The following TRRAP variants were observed in gnomAD, a reference collection of about 807,000 sequenced individuals.
The protein encoded by TRRAP is transformation/transcription domain associated protein.
Under a neutral mutation model 438.8 loss-of-function variants are expected in TRRAP, and 41 were observed. The observed-to-expected ratio is 0.09, with a 90% confidence interval of 0.07 to 0.12. The LOEUF is 0.12. Ranked by LOEUF, TRRAP falls within the 10% of genes least tolerant of loss-of-function variation. The pLI, the probability that TRRAP is intolerant of heterozygous loss-of-function variation, is 1.00. For missense variants in TRRAP, 3,122 were observed against 5,055.1 expected, an observed-to-expected ratio of 0.62 and a Z score of 11.60; for synonymous variants, 1,994 against 1,962.9, an observed-to-expected ratio of 1.02 and a Z score of -0.42.
Position 98,992,261 on chromosome 7 carries a change from G to A in TRRAP, c.9847+34G>A, listed in dbSNP as rs773372791. 5 of 1,609,748 alleles carry A rather than the reference G, an allele frequency of 3.1e-6. No homozygotes were observed. The African/African-American group carries it at 6.7e-5, about 22-fold the overall frequency. ...CGGGTGGGGCCGGTAGGCCAGGCCG[G>A]GAAGGGCTCATTCCAGGGGGTGCCC... On this transcript the variant is annotated intron_variant, in intron 65 of 72. Coordinates refer to ENST00000456197, the MANE Select transcript of TRRAP (RefSeq NM_001375524.1).
intron 39 of TRRAP, 76 bp downstream of exon 39, chr7:98,951,080 TG>T: frequency 2.6e-5 from 34 of 1,312,398 alleles, no homozygotes; most frequent in Admixed American, 2.9e-5. Context: ...TGTGTGTGTG[TG>T]TGTGTGTGTG....
At chr7:98,983,872 T>C (rs1237916086) in intron 60 of TRRAP, among the ~76,000 whole-genome samples, 5 of 152,166 alleles carry the variant, frequency 3.3e-5, no homozygotes, top group Non-Finnish European at 7.3e-5. Context: ...GCCTTTGTCA[T>C]TTTATGATTT....
chr7:98,947,447 G>GA (rs1791134622), intron 33 of TRRAP, among the ~76,000 whole-genome samples: 1 of 151,218 alleles, frequency 6.6e-6, no homozygotes, highest in Non-Finnish European at 1.5e-5. Flanking sequence ...TTGTTTGTGT[G>GA]GTTTTTTTTT....
rs1554408051 is a variant in TRRAP, at chr7:98,908,977, G to A, written c.1350+15G>A. 1 of 1,602,150 alleles carries A rather than the reference G, an allele frequency of 6.2e-7. No individual in the cohort carries two copies. The highest frequency in any genetic ancestry group is 8.5e-7 in the Non-Finnish European group (1 of 1,171,748). The stretch of plus-strand genomic sequence containing the variant: ...GGATGCTGGAGGTACCAGCTCTTCT[G>A]AGAGTATCATCCATCCTGCACTCTA... On this transcript the variant is annotated intron_variant, in intron 14 of 72. Transcript: ENST00000456197. This position sits in a 1 kb window ranked among gnomAD's most constrained non-coding sequence, Gnocchi z 4.1.
intron 56 of TRRAP, 31 bp downstream of exon 56, chr7:98,977,107 G>A (rs778475155): frequency 1.2e-6 from 2 of 1,613,310 alleles, no homozygotes; most frequent in African/African-American, 1.3e-5. Context: ...GGTCTTGGGT[G>A]TGTAATGAGA....
chr7:98,904,894 A>C (rs1007732034), intron 12 of TRRAP, among the ~76,000 whole-genome samples: 4 of 152,166 alleles, frequency 2.6e-5, no homozygotes, highest in Non-Finnish European at 5.9e-5. Context: ...ACTTCCACCA[A>C]CATTTTCTCT....
intron 67 of TRRAP, chr7:98,999,284 T>C (rs1793810182): frequency 5.8e-6 from 7 of 1,202,950 alleles, no homozygotes; most frequent in Non-Finnish European, 7.4e-6. Context: ...ACAGGAACAG[T>C]CTACTATTAA....
At position 99,008,409 on chromosome 7, in the gene TRRAP, C is replaced by T; in HGVS notation, c.10786C>T (p.Arg3596Cys). Residue 3596 changes from arginine to cysteine, a missense_variant, in exon 70 of 73, where the codon CGC becomes TGC. This residue lies in a region of TRRAP where 95 missense variants were observed against 144.1 expected (regional missense o/e 0.66). Transcript: ENST00000456197. ...PRVVAVSPQM[R>C]LVEDNPSSLS... is the part of the protein sequence containing the mutation. ...GGTTGTGGCAGTTTCCCCACAGATG[C>T]GCCTCGTGGAGGACAACCCCTCTTC... 6.2e-7 allele frequency: 1 copy of T among 1,614,194 alleles called. No homozygotes were observed. Among genetic ancestry groups the T allele is most frequent in the African/African-American group, 1.3e-5 (1 of 75,068 alleles).
At chr7:98,978,440 A>G in intron 57 of TRRAP, 117 bp downstream of exon 57, 1 of 920,216 alleles carries the variant, frequency 1.1e-6, no homozygotes, top group Non-Finnish European at 1.7e-6. Flanking sequence ...CTTTATGGCC[A>G]CATAAAGAAC....
chr7:99,001,403 A>T (rs927681270), intron 67 of TRRAP, among the ~76,000 whole-genome samples: 6 of 152,244 alleles, frequency 3.9e-5, no homozygotes, highest in Non-Finnish European at 8.8e-5. Flanking sequence ...GTCCGAGATG[A>T]AAGTTTTATG....
chr7:98,923,383 G>A (rs553031995), intron 21 of TRRAP, among the ~76,000 whole-genome samples: 12 of 152,294 alleles, frequency 7.9e-5, no homozygotes, highest in South Asian at 4.1e-4. Flanking sequence ...TGAGCAGGAC[G>A]CCATCCTGCC....
intron 13 of TRRAP, among the ~76,000 whole-genome samples, chr7:98,907,629 A>G (rs1389026273): frequency 1.3e-5 from 2 of 152,238 alleles, no homozygotes; most frequent in African/African-American, 4.8e-5. Context: ...TAGTTCTTAG[A>G]GAAAACCCAA....
chr7:98,950,365 T>C (rs2116612859), intron 38 of TRRAP, 103 bp downstream of exon 38: 2 of 1,344,362 alleles, frequency 1.5e-6, no homozygotes, highest in Non-Finnish European at 2.1e-6. Flanking sequence ...CTTGAATAAA[T>C]AGTAGAGTGA....
intron 67 of TRRAP, among the ~76,000 whole-genome samples, chr7:98,996,122 TACCCTCATCCCATCATACAC>T (rs1793647313): frequency 6.6e-6 from 1 of 150,978 alleles, no homozygotes; most frequent in African/African-American, 2.4e-5. Context: ...CCCATCTACT[TACCCTCATCCCATCATACAC>T]ACCTACATCC....
chr7:98,960,793 T>G (rs959293685), intron 45 of TRRAP, among the ~76,000 whole-genome samples: 2 of 150,282 alleles, frequency 1.3e-5, no homozygotes. Context: ...GTGTGTGTAT[T>G]TTTAGTAGAG....
intron 21 of TRRAP, among the ~76,000 whole-genome samples, chr7:98,923,900 G>A (rs1554411059): frequency 6.6e-6 from 1 of 152,200 alleles, no homozygotes; most frequent in Non-Finnish European, 1.5e-5. Flanking sequence ...TTTTGTGTGT[G>A]GTTGTGTCTT....
intron 4 of TRRAP, among the ~76,000 whole-genome samples, chr7:98,891,828 G>A (rs1037922894): frequency 6.6e-5 from 10 of 152,094 alleles, no homozygotes; most frequent in Non-Finnish European, 1.0e-4. Context: ...GTGAGCCACC[G>A]CGCCCGGCCC....
chr7:98,897,679 TTG>T (rs1554405969), intron 7 of TRRAP, 60 bp from the exon 8 acceptor site: 244 of 1,525,566 alleles, frequency 1.6e-4, no homozygotes, highest in East Asian at 7.7e-4. Flanking sequence ...TTGTTTTGTT[TTG>T]TTTTTGAATG....
chr7:98,957,173 C>T (rs563405654), intron 43 of TRRAP, among the ~76,000 whole-genome samples: 2 of 152,324 alleles, frequency 1.3e-5, no homozygotes, highest in East Asian at 3.9e-4. Flanking sequence ...CTCACTCTGC[C>T]GCAAATAACT....
Sources: allele counts gnomAD v4.1 joint callset (sites outside exome capture counted in the v4.1 genomes callset), GRCh38; gene constraint gnomAD v4.1.1; regional missense constraint gnomAD v4.1.1; non-coding constraint Gnocchi (gnomAD v3.1); transcripts MANE v1.5; gene names NCBI Gene and HGNC (gene_info 2026-07-23, HGNC 2026-07-21).